FRMD4B: variants seen among roughly 807,000 people sequenced by gnomAD.
FRMD4B encodes FERM domain-containing protein 4B.
Under a neutral mutation model 141.5 loss-of-function variants are expected in FRMD4B, and 74 were observed. That is an observed-to-expected ratio of 0.52 (90% CI 0.43 to 0.63). FRMD4B has a LOEUF of 0.63. Ranked by LOEUF, FRMD4B falls within the 30% of genes least tolerant of loss-of-function variation. FRMD4B has a pLI of 0.00. For synonymous variants in FRMD4B, 506 were observed against 467.9 expected, an observed-to-expected ratio of 1.08 and a Z score of -1.05; for missense variants, 1,366 against 1,253.4, an observed-to-expected ratio of 1.09 and a Z score of -1.36.
intron 11 of FRMD4B, among the ~76,000 whole-genome samples, chr3:69,212,014 C>T (rs1170844414): frequency 7.6e-6 from 1 of 131,362 alleles, no homozygotes; most frequent in Non-Finnish European, 1.7e-5. Context: ...TAAACAATGG[C>T]ACAGAGTAGA....
At position 69,170,443 on chromosome 3, in the gene FRMD4B, A is replaced by G. The variant is rs2092574392; in HGVS notation, c.*1418T>C. 1 of 152,108 alleles carries G rather than the reference A, an allele frequency of 6.6e-6. No individual in the cohort carries two copies. The highest frequency in any genetic ancestry group is 2.1e-4 in the South Asian group (1 of 4,828). 9.4% of individuals were successfully genotyped at this position (152,108 alleles called of 1,614,324 possible). A position where few individuals can be genotyped will look rare whatever the true frequency, so the allele number is the denominator to read the frequency against. On this transcript the variant is annotated 3_prime_UTR_variant, in exon 23 of 23. Coordinates refer to ENST00000398540, the MANE Select transcript of FRMD4B (RefSeq NM_015123.3). ...TCTTTTTTCCAAAATTTTTTCCCAA[A>G]CTTCATTTCTAATTATACAAATGAC...
At chr3:69,348,207 CT>C (rs766961541) in intron 1 of FRMD4B, among the ~76,000 whole-genome samples, 2 of 152,192 alleles carry the variant, frequency 1.3e-5, no homozygotes, top group Non-Finnish European at 2.9e-5. Context: ...ATAAACACTT[CT>C]ACGCAAATAA....
intron 7 of FRMD4B, among the ~76,000 whole-genome samples, chr3:69,234,866 T>C (rs1345230454): frequency 6.6e-6 from 1 of 152,048 alleles, no homozygotes; most frequent in Non-Finnish European, 1.5e-5. Context: ...ACAGAGATTT[T>C]GGCTAGGTGT....
intron 1 of FRMD4B, among the ~76,000 whole-genome samples, chr3:69,451,828 C>A (rs1437123705): frequency 6.6e-6 from 1 of 152,170 alleles, no homozygotes; most frequent in African/African-American, 2.4e-5. Flanking sequence ...CAACAGCCAG[C>A]ACACAGCTGT....
intron 1 of FRMD4B, among the ~76,000 whole-genome samples, chr3:69,337,589 T>C (rs1245888979): frequency 6.6e-6 from 1 of 152,050 alleles, no homozygotes; most frequent in African/African-American, 2.4e-5. Context: ...GAGTCTACAA[T>C]GAACTCCAAC....
At chr3:69,315,939 C>G (rs539948601) in intron 1 of FRMD4B, among the ~76,000 whole-genome samples, 2 of 152,182 alleles carry the variant, frequency 1.3e-5, no homozygotes, top group African/African-American at 4.8e-5. Context: ...TACCAACAAC[C>G]TATTCAGCAT....
At chr3:69,524,074 C>T (rs564433844) in intron 1 of FRMD4B, among the ~76,000 whole-genome samples, 5 of 152,164 alleles carry the variant, frequency 3.3e-5, no homozygotes, top group African/African-American at 1.2e-4. Flanking sequence ...CCATAGATGA[C>T]CCCCCACCCT....
At chr3:69,290,126 C>T (rs1700821744) in intron 4 of FRMD4B, among the ~76,000 whole-genome samples, 1 of 152,126 alleles carries the variant, frequency 6.6e-6, no homozygotes, top group African/African-American at 2.4e-5. Context: ...ACCCTGAGCC[C>T]TGCTGCGTGG....
At chr3:69,248,646 T>C (rs2093441103) in intron 7 of FRMD4B, among the ~76,000 whole-genome samples, 1 of 152,180 alleles carries the variant, frequency 6.6e-6, no homozygotes, top group African/African-American at 2.4e-5. Flanking sequence ...ACTCCAACGA[T>C]TGCATTAAAA....
chr3:69,170,572 T>G lies in FRMD4B; in HGVS notation c.*1289A>C, dbSNP rs945497445. On this transcript the variant is annotated 3_prime_UTR_variant, in exon 23 of 23. Coordinates refer to ENST00000398540, the MANE Select transcript of FRMD4B (RefSeq NM_015123.3). ...TGTTCAGAAACTTTTCTATTCACAA[T>G]ATGAACAAGAAACTTGTATAAAAGA... 4 of 152,080 alleles carry G rather than the reference T, an allele frequency of 2.6e-5. No homozygotes were observed. The highest frequency in any genetic ancestry group is 5.9e-5 in the Non-Finnish European group (4 of 68,018). 9.4% of individuals were successfully genotyped at this position (152,080 alleles called of 1,614,324 possible).
chr3:69,305,703 A>G (rs768512281), intron 3 of FRMD4B, among the ~76,000 whole-genome samples: 53 of 152,190 alleles, frequency 3.5e-4, no homozygotes, highest in Non-Finnish European at 6.9e-4. Context: ...ACAGTGAGCT[A>G]TGATCATGCC....
intron 5 of FRMD4B, among the ~76,000 whole-genome samples, chr3:69,283,241 T>C (rs1382157068): frequency 6.6e-6 from 1 of 151,664 alleles, no homozygotes; most frequent in Non-Finnish European, 1.5e-5. Flanking sequence ...AAACATTAGC[T>C]GGACGTGGTG....
At chr3:69,421,162 C>A (rs1218485050) in intron 2 of FRMD4B, among the ~76,000 whole-genome samples, 2 of 152,216 alleles carry the variant, frequency 1.3e-5, no homozygotes, top group African/African-American at 2.4e-5. Flanking sequence ...CTTGGTCCCC[C>A]TTTTCCTCCA....
chr3:69,510,294 A>C (rs78956438), intron 1 of FRMD4B, among the ~76,000 whole-genome samples: 3,411 of 152,316 alleles, frequency 0.022, 134 homozygotes, highest in African/African-American at 0.079. Context: ...ATAGTGTCAG[A>C]AGCAGTAGCC....
chr3:69,298,952 A>G (rs12629609), intron 4 of FRMD4B, among the ~76,000 whole-genome samples: 5,384 of 151,838 alleles, frequency 0.035, 251 homozygotes, highest in African/African-American at 0.11. Context: ...TACCACTGCT[A>G]TATTCCCAGC....
intron 5 of FRMD4B, among the ~76,000 whole-genome samples, chr3:69,273,330 C>G (rs1463767881): frequency 6.6e-6 from 1 of 152,204 alleles, no homozygotes; most frequent in Admixed American, 6.5e-5. Flanking sequence ...TTGCAGCTGA[C>G]TTTACAGTGA....
intron 1 of FRMD4B, among the ~76,000 whole-genome samples, chr3:69,508,092 A>T (rs1284551937): frequency 6.6e-6 from 1 of 152,190 alleles, no homozygotes; most frequent in Non-Finnish European, 1.5e-5. Flanking sequence ...CTTGTACTGC[A>T]TTTAGTTTCT....
rs372154356 is a variant in FRMD4B at position 69,175,900 on chromosome 3, C to T, written c.2984+624G>A. Reference sequence around the variant, plus strand: ...GGTTCACGCCATTCTCCTGCTTCAGCCTCCCGAGTAGCTGGGACTACAAGC... The same window carrying T: ...GGTTCACGCCATTCTCCTGCTTCAGTCTCCCGAGTAGCTGGGACTACAAGC... On this transcript the variant is annotated intron_variant, in intron 22 of 22. Transcript: ENST00000398540. 1.2e-4 allele frequency among the ~76,000 whole-genome samples: 18 copies of T among 151,810 alleles called. No individual in the cohort carries two copies. The East Asian group carries it at 2.5e-3, about 21-fold the overall frequency.
intron 1 of FRMD4B, among the ~76,000 whole-genome samples, chr3:69,509,312 G>C (rs1422090162): frequency 6.6e-6 from 1 of 152,242 alleles, no homozygotes; most frequent in African/African-American, 2.4e-5. Flanking sequence ...GAACGGGCAA[G>C]TCTGTTGCCA....
Sources: allele counts gnomAD v4.1 joint callset (sites outside exome capture counted in the v4.1 genomes callset), GRCh38; gene constraint gnomAD v4.1.1; transcripts MANE v1.5; gene names NCBI Gene and HGNC (gene_info 2026-07-23, HGNC 2026-07-21).